RBM33: variants seen among roughly 807,000 people sequenced by gnomAD.
The protein encoded by RBM33 is RNA-binding protein 33.
Under a neutral mutation model 132.6 loss-of-function variants are expected in RBM33, and 28 were observed. The observed-to-expected ratio is 0.21, with a 90% CI of 0.16 to 0.29. The LOEUF (loss-of-function observed/expected upper bound fraction) is 0.29. RBM33 is among the 10% of genes least tolerant of loss of function. RBM33 has a pLI of 1.00. For missense variants in RBM33, 1,291 were observed against 1,518.5 expected (o/e 0.85, Z 2.49); for synonymous variants, 634 against 593.0 (o/e 1.07, Z -1.01).
chr7:155,764,270 G>T (rs755516359), intron 15 of RBM33, among the ~76,000 whole-genome samples: 3 of 152,164 alleles, frequency 2.0e-5, no homozygotes, highest in East Asian at 3.9e-4. Context: ...GCTTCCTGCC[G>T]CTCTGAACTG....
chr7:155,765,161 C>T (rs529272354), intron 15 of RBM33, among the ~76,000 whole-genome samples: 2 of 152,164 alleles, frequency 1.3e-5, no homozygotes, highest in Non-Finnish European at 2.9e-5. Flanking sequence ...CATGATGTTT[C>T]CTATCTTACT....
At chr7:155,711,660 G>A (rs986769284) in intron 8 of RBM33, among the ~76,000 whole-genome samples, 4 of 152,166 alleles carry the variant, frequency 2.6e-5, no homozygotes, top group Non-Finnish European at 5.9e-5. Context: ...GCTGGGCAGG[G>A]GGAGCTGCGG....
At chr7:155,693,098 A>C (rs578157469) in intron 5 of RBM33, among the ~76,000 whole-genome samples, 1 of 152,198 alleles carries the variant, frequency 6.6e-6, no homozygotes, top group African/African-American at 2.4e-5. Flanking sequence ...CAAAAAGTCT[A>C]TGTAGTTACA....
At chr7:155,694,650 C>T (rs1250529297) in intron 5 of RBM33, among the ~76,000 whole-genome samples, 1 of 152,160 alleles carries the variant, frequency 6.6e-6, no homozygotes, top group Non-Finnish European at 1.5e-5. Context: ...ATTTCCTAGT[C>T]TGGAACATCA....
In RBM33 at chr7:155,673,954, T is replaced by G. The variant is rs1485515513; in HGVS notation, c.171+1039T>G. ...GTTTAGGCTTAGTTTTTTTTTTTTT[T>G]TTTTTTTTTTTTTTTTTTGAGACAC... is the stretch of plus-strand genomic sequence containing the variant. On this transcript the variant is annotated intron_variant, in intron 3 of 17. Coordinates refer to ENST00000401878, the MANE Select transcript of RBM33 (RefSeq NM_053043.3). Among the ~76,000 whole-genome samples the G allele has an allele frequency of 1.7e-3, 205 of 118,054 alleles. 33 individuals carry two copies. The South Asian group carries it at 0.036, about 21-fold the overall frequency. The allele number at this position is 118,054 out of a possible 152,430, so 77.4% of individuals were successfully genotyped here.
intron 9 of RBM33, among the ~76,000 whole-genome samples, chr7:155,734,095 T>G (rs1382301281): frequency 6.6e-6 from 1 of 152,216 alleles, no homozygotes; most frequent in African/African-American, 2.4e-5. Flanking sequence ...CCAGCCAGAT[T>G]TACCAGTTTG....
At chr7:155,711,058 AC>A (rs1188980300) in intron 7 of RBM33, 144 bp from the exon 8 acceptor site, 31 of 1,215,434 alleles carry the variant, frequency 2.6e-5, no homozygotes, top group South Asian at 5.9e-5. Flanking sequence ...AGTTGTTACT[AC>A]AGACTTCTTA....
chr7:155,697,746 CCT>C (rs1799837426), intron 5 of RBM33, among the ~76,000 whole-genome samples: 1 of 151,962 alleles, frequency 6.6e-6, no homozygotes, highest in East Asian at 1.9e-4. Flanking sequence ...AGTATTTTTC[CCT>C]CTTTGCTTTT....
chr7:155,743,899 CGCCA>C (rs1322939618), intron 13 of RBM33, among the ~76,000 whole-genome samples: 2 of 152,172 alleles, frequency 1.3e-5, no homozygotes, highest in African/African-American at 2.4e-5. Context: ...TCCCCCTGGA[CGCCA>C]TGTCTTGCTC....
chr7:155,762,861 G>A (rs1585542122), intron 14 of RBM33, among the ~76,000 whole-genome samples: 1 of 152,138 alleles, frequency 6.6e-6, no homozygotes, highest in African/African-American at 2.4e-5. Context: ...AAAAGCCTCC[G>A]TCTTCCTTTT....
intron 8 of RBM33, 119 bp from the exon 9 acceptor site, chr7:155,718,266 C>T (rs1238625074): frequency 2.8e-6 from 2 of 713,548 alleles, no homozygotes; most frequent in African/African-American, 3.5e-5. Flanking sequence ...AGCGTAAGCA[C>T]AATGTATTAT....
chr7:155,680,983 C>G, intron 5 of RBM33, 75 bp downstream of exon 5: 4 of 1,195,942 alleles, frequency 3.3e-6, no homozygotes, highest in Non-Finnish European at 3.5e-6. Context: ...GATTTGAAAT[C>G]TATTTACCTC....
chr7:155,739,079 A>G (rs1162692694), intron 11 of RBM33: 1 of 152,346 alleles, frequency 6.6e-6, no homozygotes, highest in Non-Finnish European at 1.5e-5. Context: ...CGGAAAATGA[A>G]TATTATCTAG....
At chr7:155,755,923 G>T (rs1308364081) in intron 14 of RBM33, among the ~76,000 whole-genome samples, 1 of 151,932 alleles carries the variant, frequency 6.6e-6, no homozygotes, top group East Asian at 1.9e-4. Context: ...AGTCTAAAAA[G>T]CGATTTTTAT....
At chr7:155,648,656 C>T (rs1798267714) in intron 1 of RBM33, among the ~76,000 whole-genome samples, 2 of 150,806 alleles carry the variant, frequency 1.3e-5, no homozygotes, top group South Asian at 4.2e-4. Context: ...ATCTTTCATG[C>T]TTAATTTCTT....
chr7:155,780,910 G>A lies in RBM33; in HGVS notation c.*5869G>A, dbSNP rs745355621. 11 of 152,748 alleles carry A rather than the reference G, an allele frequency of 7.2e-5. No individual in the cohort carries two copies. Among genetic ancestry groups the A allele is most frequent in the South Asian group, 2.1e-4 (1 of 4,832 alleles). 9.5% of individuals were successfully genotyped at this position (152,748 alleles called of 1,614,324 possible). Reference sequence around the variant, plus strand: ...GTTTGGCTCTGTAGGAGTGAGTGGCGATTCAAAGATGCCGGCGTCCCGCAG... The same window carrying A: ...GTTTGGCTCTGTAGGAGTGAGTGGCAATTCAAAGATGCCGGCGTCCCGCAG... On this transcript the variant is annotated 3_prime_UTR_variant, in exon 18 of 18. Coordinates refer to ENST00000401878, the MANE Select transcript of RBM33 (RefSeq NM_053043.3).
intron 15 of RBM33, among the ~76,000 whole-genome samples, chr7:155,766,205 G>A (rs760496701): frequency 7.9e-5 from 12 of 152,088 alleles, no homozygotes; most frequent in Non-Finnish European, 1.5e-4. Flanking sequence ...AGTGCCCACC[G>A]AGCACAAGCG....
At chr7:155,686,705 C>T (rs920781856) in intron 5 of RBM33, among the ~76,000 whole-genome samples, 1 of 152,082 alleles carries the variant, frequency 6.6e-6, no homozygotes, top group Non-Finnish European at 1.5e-5. Context: ...GTTCAGTTCC[C>T]ACCTATGAGT....
chr7:155,666,588 G>A (rs145969973), intron 2 of RBM33, among the ~76,000 whole-genome samples: 4 of 152,312 alleles, frequency 2.6e-5, no homozygotes, highest in Admixed American at 2.6e-4. Context: ...TTACTAGTAA[G>A]TACTAAAGCT....
Sources: allele counts gnomAD v4.1 joint callset (sites outside exome capture counted in the v4.1 genomes callset), GRCh38; gene constraint gnomAD v4.1.1; transcripts MANE v1.5; gene names NCBI Gene and HGNC (gene_info 2026-07-23, HGNC 2026-07-21).